The following NKAIN3 variants were observed in gnomAD, a reference collection of about 807,000 sequenced individuals.
NKAIN3 encodes the protein sodium/potassium transporting ATPase interacting 3, also known as sodium/potassium-transporting ATPase subunit beta-1-interacting protein 3.
NKAIN3 carries 25 observed loss-of-function variants against 30.2 expected under a neutral mutation model. The ratio of observed to expected loss-of-function variants is 0.83; its 90% CI spans 0.60 to 1.16. NKAIN3 has a LOEUF of 1.16. Among genes scored for constraint, NKAIN3 ranks in the 50% most tolerant of loss-of-function variants. The pLI is 0.00. For synonymous variants in NKAIN3, 91 were observed against 89.6 expected (o/e 1.02, Z -0.09); for missense variants, 225 against 254.1 (o/e 0.89, Z 0.78).
rs1805873906 is a variant in NKAIN3 at position 62,458,084 on chromosome 8, A to G, written c.55-121455A>G. ...CTATAGTTTTACATGAAACAAAAAT[A>G]ACAGCATCATAATAGACAGCTCAAA... On this transcript the variant is annotated intron_variant, in intron 1 of 6. Coordinates refer to ENST00000623646, the MANE Select transcript of NKAIN3 (RefSeq NM_001304533.3). 3.9e-5 allele frequency among the ~76,000 whole-genome samples: 6 copies of G among 152,322 alleles called. No homozygotes were observed. In the South Asian group the frequency reaches 1.2e-3, roughly 32 times the overall value.
At chr8:62,323,650 C>T (rs1815016140) in intron 1 of NKAIN3, among the ~76,000 whole-genome samples, 1 of 152,066 alleles carries the variant, frequency 6.6e-6, no homozygotes, top group African/African-American at 2.4e-5. Context: ...CAGTGGCTTT[C>T]CCTCTCTCCA....
At chr8:62,562,064 A>G (rs915424640) in intron 1 of NKAIN3, among the ~76,000 whole-genome samples, 2 of 152,174 alleles carry the variant, frequency 1.3e-5, no homozygotes, top group East Asian at 3.8e-4. Flanking sequence ...CACCTGCATC[A>G]GAGGTCAAGG....
At chr8:62,995,516 A>T (rs546328550) in intron 5 of NKAIN3, among the ~76,000 whole-genome samples, 1 of 152,278 alleles carries the variant, frequency 6.6e-6, no homozygotes, top group Non-Finnish European at 1.5e-5. Context: ...CTGACCTGGG[A>T]CTAGGGTTGT....
intron 1 of NKAIN3, among the ~76,000 whole-genome samples, chr8:62,475,608 G>A (rs2129600305): frequency 6.6e-6 from 1 of 152,140 alleles, no homozygotes; most frequent in South Asian, 2.1e-4. Flanking sequence ...GTACCAATTA[G>A]GATCCCAGAA....
chr8:62,630,007 T>A (rs543803802), intron 3 of NKAIN3, among the ~76,000 whole-genome samples: 3 of 152,238 alleles, frequency 2.0e-5, no homozygotes, highest in African/African-American at 7.2e-5. Context: ...GTACAATAAG[T>A]ATAATAAAAT....
At chr8:62,677,881 T>C (rs1813524425) in intron 3 of NKAIN3, among the ~76,000 whole-genome samples, 1 of 152,208 alleles carries the variant, frequency 6.6e-6, no homozygotes, top group African/African-American at 2.4e-5. Context: ...TACAAGATAG[T>C]ATGTCCCCCT....
At chr8:62,759,520 G>A (rs145358672) in intron 4 of NKAIN3, among the ~76,000 whole-genome samples, 1 of 152,120 alleles carries the variant, frequency 6.6e-6, no homozygotes, top group African/African-American at 2.4e-5. Context: ...ATAGCATGAA[G>A]AATGTGGAAC....
chr8:62,811,947 T>C (rs567804584), intron 4 of NKAIN3, among the ~76,000 whole-genome samples: 9 of 148,256 alleles, frequency 6.1e-5, no homozygotes, highest in Admixed American at 1.3e-4. Context: ...TCTCCTGTGT[T>C]TTTTTTTCCC....
intron 3 of NKAIN3, among the ~76,000 whole-genome samples, chr8:62,602,362 C>T (rs1162537714): frequency 1.3e-5 from 2 of 152,030 alleles, no homozygotes; most frequent in African/African-American, 4.8e-5. Context: ...ATCTTTTCTT[C>T]TTCTAATGAA....
chr8:62,577,692 C>T (rs1017575284), intron 1 of NKAIN3, among the ~76,000 whole-genome samples: 2 of 151,206 alleles, frequency 1.3e-5, no homozygotes, highest in African/African-American at 4.9e-5. Context: ...GAGTCACAAG[C>T]AGAGACAAGC....
At chr8:62,965,197 A>G (rs889415177) in intron 6 of NKAIN3, among the ~76,000 whole-genome samples, 157 bp from the exon 7 acceptor site, 1 of 152,198 alleles carries the variant, frequency 6.6e-6, no homozygotes, top group Non-Finnish European at 1.5e-5. Flanking sequence ...TCTGAAAAGC[A>G]GGAAGGCCCA....
intron 1 of NKAIN3, among the ~76,000 whole-genome samples, chr8:62,349,734 G>A (rs1434846565): frequency 6.6e-6 from 1 of 152,092 alleles, no homozygotes; most frequent in Non-Finnish European, 1.5e-5. Flanking sequence ...TGAGTTGAAG[G>A]GAAAGTAGCC....
chr8:62,596,226 T>G (rs1019082272), intron 3 of NKAIN3, among the ~76,000 whole-genome samples: 2 of 152,068 alleles, frequency 1.3e-5, no homozygotes, highest in Non-Finnish European at 2.9e-5. Flanking sequence ...TTCGTGAGTT[T>G]CCTCATTCTA....
At chr8:62,697,283 C>T (rs1167858635) in intron 3 of NKAIN3, among the ~76,000 whole-genome samples, 1 of 152,184 alleles carries the variant, frequency 6.6e-6, no homozygotes, top group Non-Finnish European at 1.5e-5. Context: ...CTACTACTTG[C>T]CTACTCTGTT....
intron 1 of NKAIN3, among the ~76,000 whole-genome samples, chr8:62,404,505 A>C (rs1014789460): frequency 6.6e-6 from 1 of 152,068 alleles, no homozygotes; most frequent in Non-Finnish European, 1.5e-5. Context: ...GTAAGTTTTC[A>C]TAAGATCTGG....
rs549826033 is a variant in NKAIN3, at chr8:62,575,434, C to T, written c.55-4105C>T. On this transcript the variant is annotated intron_variant, in intron 1 of 6. Coordinates refer to ENST00000623646, the MANE Select transcript of NKAIN3 (RefSeq NM_001304533.3). ...ATGTGAAAGATCTCAGCAATAAAAACTATAAAACATTGATGAAAGAAATTT... is the reference window on the plus strand; with the variant it reads ...ATGTGAAAGATCTCAGCAATAAAAATTATAAAACATTGATGAAAGAAATTT... Among the ~76,000 whole-genome samples, 11 of 152,042 alleles carry T rather than the reference C, an allele frequency of 7.2e-5. No individual in the cohort carries two copies. In the South Asian group the frequency reaches 2.3e-3, roughly 32 times the overall value.
intron 3 of NKAIN3, among the ~76,000 whole-genome samples, chr8:62,741,377 A>T (rs759857215): frequency 7.4e-6 from 1 of 134,768 alleles, no homozygotes; most frequent in Admixed American, 7.1e-5. Context: ...GAAGGAAGGA[A>T]GGAAGGAAGG....
At chr8:62,506,600 G>A (rs911143498) in intron 1 of NKAIN3, among the ~76,000 whole-genome samples, 10 of 149,688 alleles carry the variant, frequency 6.7e-5, no homozygotes, top group African/African-American at 2.5e-4. Flanking sequence ...TCAGCCTCCC[G>A]AGTAGCTGGG....
intron 5 of NKAIN3, among the ~76,000 whole-genome samples, chr8:62,934,913 G>A (rs1822734882): frequency 6.6e-6 from 1 of 152,108 alleles, no homozygotes; most frequent in Non-Finnish European, 1.5e-5. Flanking sequence ...TGAGCACCAG[G>A]CATTGACCTG....
Sources: gnomAD v4.1 joint callset for allele counts (sites outside exome capture counted in the v4.1 genomes callset) on GRCh38, gnomAD v4.1.1 for gene constraint, MANE v1.5 for transcripts, NCBI Gene and HGNC (gene_info 2026-07-23, HGNC 2026-07-21) for gene names.